Variants in TRPV1 observed in about 807,000 individuals in gnomAD.
TRPV1 encodes the protein transient receptor potential cation channel subfamily V member 1.
TRPV1 carries 82 observed loss-of-function variants against 82.3 expected under a neutral mutation model. That is an observed-to-expected ratio of 1.00 (90% CI 0.83 to 1.20). The LOEUF is 1.20. Ranked by LOEUF, TRPV1 falls within the 50% of genes most tolerant of loss-of-function variation. The pLI is 0.00. For missense variants in TRPV1, 1,067 were observed against 1,096.8 expected (o/e 0.97, Z 0.38); for synonymous variants, 515 against 467.7 (o/e 1.10, Z -1.30).
chr17:3,599,936 CTGAG>C (rs1375822494), intron 2 of TRPV1, among the ~76,000 whole-genome samples: 1 of 152,146 alleles, frequency 6.6e-6, no homozygotes, highest in African/African-American at 2.4e-5. Flanking sequence ...CTTTTTAAGG[CTGAG>C]TAATATTCCA....
intron 3 of TRPV1, 143 bp downstream of exon 3, chr17:3,591,924 G>T: frequency 1.6e-6 from 2 of 1,256,984 alleles, no homozygotes; most frequent in Non-Finnish European, 2.1e-6. Flanking sequence ...GGTCACATGA[G>T]GAAGGACGCT....
Position 3,592,122 on chromosome 17 carries a change from T to A in TRPV1, c.229A>T (p.Thr77Ser). 4 of 1,613,828 alleles carry A rather than the reference T, an allele frequency of 2.5e-6. No individual in the cohort carries two copies. The South Asian group carries it at 4.4e-5, about 18-fold the overall frequency. The stretch of plus-strand genomic sequence containing the variant: ...TGGATGGTGATAACAGGGCTGACTG[T>A]GATGGTCGGGCAGGAGTCCAGCTCA... ...EGELDSCPTI[T>S]VSPVITIQRP... Residue 77 changes from threonine (T) to serine (S), a missense_variant, in exon 3 of 17, where the codon ACA becomes TCA. Physicochemically the swap from Thr to Ser is moderately conservative, Grantham distance 58 (BLOSUM62 1). Transcript: ENST00000572705.
intron 16 of TRPV1, among the ~76,000 whole-genome samples, chr17:3,568,286 C>T (rs1431898990): frequency 6.7e-6 from 1 of 148,208 alleles, no homozygotes; most frequent in Non-Finnish European, 1.5e-5. Context: ...TGCGCCACTG[C>T]ACTCCAGCCT....
At chr17:3,580,418 C>T (rs1375035197) in intron 11 of TRPV1, 39 bp downstream of exon 11, 5 of 1,611,524 alleles carry the variant, frequency 3.1e-6, no homozygotes, top group Non-Finnish European at 4.2e-6. Flanking sequence ...TTGCGGTCAC[C>T]TGGGGACTGG....
chr17:3,591,141 G>A, intron 4 of TRPV1, 25 bp from the exon 5 acceptor site: 1 of 1,610,212 alleles, frequency 6.2e-7, no homozygotes. Flanking sequence ...GGAGGGTCAG[G>A]GCAGGCCAGG....
intron 2 of TRPV1, chr17:3,601,852 C>A (rs2075265902): frequency 6.6e-6 from 1 of 151,882 alleles, no homozygotes; most frequent in Non-Finnish European, 1.5e-5. Context: ...CCTCAGTCTC[C>A]CAATATGCTG....
chr17:3,578,716 TG>T (rs1248724131), intron 11 of TRPV1: 1 of 152,156 alleles, frequency 6.6e-6, no homozygotes, highest in Non-Finnish European at 1.5e-5. Context: ...ACCAAAAAGA[TG>T]CCTGCACTCC....
At chr17:3,568,097 C>A (rs906412713) in intron 16 of TRPV1, among the ~76,000 whole-genome samples, 1 of 152,032 alleles carries the variant, frequency 6.6e-6, no homozygotes, top group African/African-American at 2.4e-5. Context: ...CCGAGGCGGG[C>A]GGATCACGAG....
At chr17:3,603,466 T>C (rs920864906) in intron 2 of TRPV1, among the ~76,000 whole-genome samples, 2 of 152,212 alleles carry the variant, frequency 1.3e-5, no homozygotes, top group African/African-American at 4.8e-5. Context: ...ATGCCGGCTG[T>C]ATGGACTCCG....
At chr17:3,589,110 T>C (rs2075121037) in intron 7 of TRPV1, 1 of 727,972 alleles carries the variant, frequency 1.4e-6, no homozygotes. Context: ...AGCCACCAGC[T>C]GGAGCTGGGA....
chr17:3,586,403 C>T (rs933939454), intron 8 of TRPV1, among the ~76,000 whole-genome samples: 1 of 152,230 alleles, frequency 6.6e-6, no homozygotes, highest in Non-Finnish European at 1.5e-5. Flanking sequence ...CTTCCTGCCC[C>T]AGGAGGGCCC....
chr17:3,594,447 G>C (rs1424482311), intron 2 of TRPV1, among the ~76,000 whole-genome samples: 1 of 151,926 alleles, frequency 6.6e-6, no homozygotes, highest in East Asian at 1.9e-4. Context: ...GCACACAACT[G>C]GGCCATGGCT....
chr17:3,572,343 C>T (rs2074866211), intron 14 of TRPV1, 94 bp from the exon 15 acceptor site: 1 of 1,467,726 alleles, frequency 6.8e-7, no homozygotes, highest in Non-Finnish European at 9.2e-7. Context: ...CAGGGGCTCT[C>T]CCAGGCCTAG....
intron 16 of TRPV1, among the ~76,000 whole-genome samples, chr17:3,567,926 C>T (rs898290479): frequency 1.3e-5 from 2 of 152,136 alleles, no homozygotes; most frequent in Non-Finnish European, 2.9e-5. Flanking sequence ...TGTTGTAAAC[C>T]GCCAACACTG....
At chr17:3,594,757 G>A (rs887158392) in intron 2 of TRPV1, among the ~76,000 whole-genome samples, 4 of 152,170 alleles carry the variant, frequency 2.6e-5, no homozygotes, top group African/African-American at 4.8e-5. Context: ...TCAGCTCCCC[G>A]CTGAGACAGA....
chr17:3,605,269 G>C (rs1032992090), intron 2 of TRPV1, among the ~76,000 whole-genome samples: 7 of 152,080 alleles, frequency 4.6e-5, no homozygotes, highest in African/African-American at 1.7e-4. Flanking sequence ...AGCACTTTCC[G>C]AGGCCGAGGT....
chr17:3,604,722 C>T (rs78145051), intron 2 of TRPV1, among the ~76,000 whole-genome samples: 10,264 of 152,184 alleles, frequency 0.067, 393 homozygotes, highest in Middle Eastern at 0.085. Context: ...CAGTGTGTGG[C>T]GGGAGGAAAA....
intron 11 of TRPV1, among the ~76,000 whole-genome samples, chr17:3,580,034 C>T (rs1265574697): frequency 2.0e-5 from 3 of 150,680 alleles, no homozygotes; most frequent in Admixed American, 2.0e-4. Context: ...CCCCGCCCCG[C>T]CCCGCCCCCC....
At chr17:3,572,009 A>G in intron 15 of TRPV1, 113 bp downstream of exon 15, 5 of 1,380,806 alleles carry the variant, frequency 3.6e-6, no homozygotes, top group Non-Finnish European at 3.9e-6. Flanking sequence ...TGGCATTGGG[A>G]GAGCCCCCTG....
Sources: allele counts gnomAD v4.1 joint callset (sites outside exome capture counted in the v4.1 genomes callset), GRCh38; gene constraint gnomAD v4.1.1; transcripts MANE v1.5; gene names NCBI Gene and HGNC (gene_info 2026-07-23, HGNC 2026-07-21).